The following MACF1 variants were observed in gnomAD, a reference collection of about 807,000 sequenced individuals.
MACF1 encodes the protein microtubule actin crosslinking factor 1, also known as microtubule-actin cross-linking factor 1.
A neutral mutation model predicts 854.8 loss-of-function variants in MACF1; 193 were observed. The observed-to-expected ratio is 0.23, with a 90% CI of 0.20 to 0.25. MACF1 has a LOEUF of 0.25. Among genes scored for constraint, MACF1 ranks in the 10% least tolerant of loss-of-function variants. MACF1 has a pLI of 1.00. For missense variants in MACF1, 7,722 were observed against 8,929.1 expected (o/e 0.86, Z 5.45); for synonymous variants, 3,185 against 3,226.7 (o/e 0.99, Z 0.44).
intron 6 of MACF1, among the ~76,000 whole-genome samples, chr1:39,265,276 C>A (rs572841729): frequency 7.9e-5 from 12 of 151,962 alleles, no homozygotes; most frequent in African/African-American, 2.9e-4. Flanking sequence ...AGTTCTTTTG[C>A]TTTGGAGTCT....
chr1:39,454,725 G>A (rs765151911), intron 88 of MACF1, among the ~76,000 whole-genome samples, 184 bp from the exon 89 acceptor site: 7 of 152,066 alleles, frequency 4.6e-5, no homozygotes, highest in Admixed American at 2.6e-4. Flanking sequence ...ACTTGAACCC[G>A]GGAGGCAGAG....
At chr1:39,192,530 CT>C (rs1644268273) in intron 2 of MACF1, among the ~76,000 whole-genome samples, 1 of 152,300 alleles carries the variant, frequency 6.6e-6, no homozygotes, top group East Asian at 1.9e-4. Flanking sequence ...GCATTGTTGC[CT>C]TCTATGTTAC....
intron 40 of MACF1, among the ~76,000 whole-genome samples, chr1:39,345,923 G>A (rs1647036115): frequency 6.6e-6 from 1 of 152,110 alleles, no homozygotes; most frequent in African/African-American, 2.4e-5. Flanking sequence ...CAAAAAATTA[G>A]CCAGGCATGG....
chr1:39,414,099 G>A, intron 58 of MACF1: 1 of 1,606,828 alleles, frequency 6.2e-7, no homozygotes, highest in Non-Finnish European at 8.5e-7. Flanking sequence ...CCACCCCCGA[G>A]GAGCCTGCCT....
chr1:39,247,871 A>T (rs1194667296), intron 2 of MACF1, among the ~76,000 whole-genome samples: 3 of 152,062 alleles, frequency 2.0e-5, no homozygotes, highest in Admixed American at 6.5e-5. Context: ...AAAATACAAA[A>T]ATTAGCTGAT....
intron 6 of MACF1, among the ~76,000 whole-genome samples, chr1:39,269,962 C>T (rs763378267): frequency 2.6e-5 from 4 of 152,182 alleles, no homozygotes; most frequent in Non-Finnish European, 5.9e-5. Context: ...CGTAATTGCT[C>T]AAGCTATCTG....
chr1:39,449,982 C>T (rs1045518713), intron 84 of MACF1, among the ~76,000 whole-genome samples: 8 of 152,162 alleles, frequency 5.3e-5, no homozygotes, highest in Non-Finnish European at 7.3e-5. Context: ...TCCTCAGCCT[C>T]CCAAGTAGCT....
At chr1:39,356,453 A>G (rs531208046) in intron 44 of MACF1, among the ~76,000 whole-genome samples, 1 of 151,948 alleles carries the variant, frequency 6.6e-6, no homozygotes, top group African/African-American at 2.4e-5. Flanking sequence ...GCTCACTGCA[A>G]TCTCTGCCTC....
intron 2 of MACF1, among the ~76,000 whole-genome samples, chr1:39,172,536 C>T (rs138468496): frequency 5.3e-5 from 8 of 152,228 alleles, no homozygotes; most frequent in Non-Finnish European, 1.0e-4. Context: ...GCCTTATTAC[C>T]TCATGGTTTA....
intron 1 of MACF1, among the ~76,000 whole-genome samples, chr1:39,205,820 C>A (rs12023553): frequency 0.61 from 92,426 of 151,968 alleles, 30,300 homozygotes; most frequent in South Asian, 0.78. Flanking sequence ...TGTAATGGCA[C>A]CAGAACCCTC....
chr1:39,159,132 A>AGGGTTTTTT, intron 2 of MACF1, among the ~76,000 whole-genome samples: 1 of 152,114 alleles, frequency 6.6e-6, no homozygotes, highest in African/African-American at 2.4e-5. Flanking sequence ...AGCTGGCCCT[A>AGGGTTTTTT]TTTTTTATGC....
chr1:39,206,990 T>G (rs1459341878), intron 1 of MACF1: 1 of 151,910 alleles, frequency 6.6e-6, no homozygotes, highest in Non-Finnish European at 1.5e-5. Flanking sequence ...TTTTTTTTTT[T>G]TTTAATTGGA....
chr1:39,118,549 T>TG (rs1314234265), intron 2 of MACF1, among the ~76,000 whole-genome samples: 3 of 152,260 alleles, frequency 2.0e-5, no homozygotes, highest in Non-Finnish European at 4.4e-5. Flanking sequence ...TTACTTTCCC[T>TG]GTGGGAGAGA....
intron 2 of MACF1, among the ~76,000 whole-genome samples, chr1:39,171,848 G>A (rs1039919312): frequency 2.0e-5 from 3 of 151,622 alleles, no homozygotes; most frequent in Non-Finnish European, 4.4e-5. Flanking sequence ...GGATGGTCTC[G>A]ATCTCCTGAC....
At chr1:39,390,024 C>G (rs1641969053) in intron 58 of MACF1, among the ~76,000 whole-genome samples, 1 of 152,242 alleles carries the variant, frequency 6.6e-6, no homozygotes, top group Non-Finnish European at 1.5e-5. Flanking sequence ...GAGATGATTA[C>G]ATGACCCAAA....
At chr1:39,201,498 G>A (rs907552425), upstream of MACF1, among the ~76,000 whole-genome samples, 2 of 152,066 alleles carry the variant, frequency 1.3e-5, no homozygotes, top group African/African-American at 4.8e-5. Context: ...GACTACAGGC[G>A]CGTGCCACCA....
intron 39 of MACF1, 33 bp from the exon 40 acceptor site, chr1:39,340,771 T>G (rs1216746581): frequency 6.2e-7 from 1 of 1,611,926 alleles, no homozygotes; most frequent in East Asian, 2.2e-5. Context: ...GGCTGGGAGA[T>G]TTTCATAATG....
At chr1:39,434,186 T>C (rs969537558) in intron 68 of MACF1, among the ~76,000 whole-genome samples, 3 of 152,128 alleles carry the variant, frequency 2.0e-5, no homozygotes, top group African/African-American at 2.4e-5. Flanking sequence ...TTTTAAACTT[T>C]TATCTTTTAA....
Position 39,283,402 on chromosome 1 carries a change from C to T in MACF1, c.809-7C>T. 3 of 1,600,586 alleles carry T rather than the reference C, an allele frequency of 1.9e-6. No individual in the cohort carries two copies. The highest frequency in any genetic ancestry group is 2.6e-6 in the Non-Finnish European group (3 of 1,167,684). On this transcript the variant is annotated splice_polypyrimidine_tract_variant and splice_region_variant and intron_variant, in intron 8 of 100. Coordinates refer to ENST00000564288, the MANE Select transcript of MACF1 (RefSeq NM_001394062.1). This position sits in a 1 kb window ranked among gnomAD's most constrained non-coding sequence, Gnocchi z 4.5. The stretch of plus-strand genomic sequence containing the variant: ...GACTAAGAAATTTCTTGTCCATTCT[C>T]TCTCAGATGTGGATGTGCCATCTCC...
Sources: allele counts gnomAD v4.1 joint callset (sites outside exome capture counted in the v4.1 genomes callset), GRCh38; gene constraint gnomAD v4.1.1; non-coding constraint Gnocchi (gnomAD v3.1); transcripts MANE v1.5; gene names NCBI Gene and HGNC (gene_info 2026-07-23, HGNC 2026-07-21).